The following ITIH2 variants were observed in gnomAD, a reference collection of about 807,000 sequenced individuals.
The protein encoded by ITIH2 is inter-alpha-trypsin inhibitor heavy chain 2.
A neutral mutation model predicts 104.4 loss-of-function variants in ITIH2; 103 were observed. That is an observed-to-expected ratio of 0.99 (90% CI 0.84 to 1.16). The LOEUF (loss-of-function observed/expected upper bound fraction) is 1.16. ITIH2 is among the 50% of genes most tolerant of loss of function. The probability of loss-of-function intolerance (pLI) is 0.00; values close to 1 mark genes in which losing one functional copy is unlikely to be tolerated. For missense variants in ITIH2, 1,108 were observed against 1,162.4 expected (o/e 0.95, Z 0.68); for synonymous variants, 436 against 435.4 (o/e 1.00, Z -0.02).
chr10:7,737,705 C>A (rs369862752), intron 15 of ITIH2, among the ~76,000 whole-genome samples: 12,439 of 19,804 alleles, frequency 0.63, 4,704 homozygotes, highest in Non-Finnish European at 0.7. Flanking sequence ...ATATAATATT[C>A]TATATTATAT....
At position 7,707,665 on chromosome 10, in the gene ITIH2, A is replaced by G. The variant is rs561421083; in HGVS notation, c.192+432A>G. 5.8e-4 allele frequency among the ~76,000 whole-genome samples: 88 copies of G among 152,264 alleles called. 1 individual carries two copies. The highest frequency in any genetic ancestry group is 1.9e-3 in the African/African-American group (77 of 41,550). On this transcript the variant is annotated intron_variant, in intron 3 of 20. Coordinates refer to ENST00000358415, the MANE Select transcript of ITIH2 (RefSeq NM_002216.3). ...ACTGCAACCTCTGCCCCCTGGGTTC[A>G]AGAGATTCTCTGCCTCAGCCTCTCA...
At chr10:7,741,534 C>T (rs943145684) in intron 16 of ITIH2, among the ~76,000 whole-genome samples, 12 of 152,130 alleles carry the variant, frequency 7.9e-5, no homozygotes, top group African/African-American at 2.9e-4. Context: ...ATCAACTAAC[C>T]ATGTATTTGT....
chr10:7,723,750 C>T (rs1834928495), intron 9 of ITIH2, among the ~76,000 whole-genome samples, 183 bp downstream of exon 9: 1 of 152,180 alleles, frequency 6.6e-6, no homozygotes, highest in Non-Finnish European at 1.5e-5. Context: ...AGGACATACA[C>T]CTCCGTCTTC....
chr10:7,712,949 T>C (rs1400256643), intron 4 of ITIH2, among the ~76,000 whole-genome samples: 2 of 151,882 alleles, frequency 1.3e-5, no homozygotes, highest in East Asian at 3.9e-4. Flanking sequence ...CGAAACCCAA[T>C]CTCTACTAAA....
chr10:7,729,745 A>G (rs1834983996), intron 11 of ITIH2: 1 of 458,126 alleles, frequency 2.2e-6, no homozygotes, highest in Non-Finnish European at 3.8e-6. Flanking sequence ...CTAATTCCCA[A>G]ATAATGTTGC....
At chr10:7,732,071 C>A in intron 13 of ITIH2, 75 bp downstream of exon 13, 11 of 1,199,700 alleles carry the variant, frequency 9.2e-6, no homozygotes, top group Non-Finnish European at 1.3e-5. Flanking sequence ...GTCAGCTCTG[C>A]CTGCCTGGAA....
intron 14 of ITIH2, among the ~76,000 whole-genome samples, chr10:7,732,891 C>A (rs976903124): frequency 5.9e-5 from 9 of 152,066 alleles, no homozygotes; most frequent in Non-Finnish European, 1.5e-5. Context: ...CCACGCCCAG[C>A]TAATTTTTTT....
chr10:7,717,527 C>G, intron 5 of ITIH2, 99 bp from the exon 6 acceptor site: 1 of 1,083,878 alleles, frequency 9.2e-7, no homozygotes, highest in Non-Finnish European at 1.4e-6. Flanking sequence ...CTGAGCAGAA[C>G]GGACGGTCCA....
intron 5 of ITIH2, 33 bp from the exon 6 acceptor site, chr10:7,717,593 C>T: frequency 6.2e-7 from 1 of 1,601,178 alleles, no homozygotes; most frequent in Non-Finnish European, 8.6e-7. Context: ...AATCATGTAT[C>T]TGTTGACTTT....
At chr10:7,733,864 C>A (rs1466385939) in intron 14 of ITIH2, among the ~76,000 whole-genome samples, 4 of 151,788 alleles carry the variant, frequency 2.6e-5, no homozygotes, top group South Asian at 2.1e-4. Context: ...TAGAGAAAAT[C>A]CCTGATGTCA....
At position 7,735,140 on chromosome 10, in the gene ITIH2, C is replaced by T. The variant is rs770144123; in HGVS notation, c.1957+49C>T. 1.6e-4 allele frequency: 240 copies of T among 1,523,080 alleles called. 1 individual carries two copies. In the East Asian group the frequency reaches 2.7e-3, roughly 17 times the overall value. 94.3% of individuals were successfully genotyped at this position (1,523,080 alleles called of 1,614,324 possible). A position where few individuals can be genotyped will look rare whatever the true frequency, so the allele number is the denominator to read the frequency against. Reference sequence around the variant, plus strand: ...AAGTGGCCAGGCAGCTCTCTTGCCCCGGGGGTGGGCGAAGTCCTAGTGCCT... The same window carrying T: ...AAGTGGCCAGGCAGCTCTCTTGCCCTGGGGGTGGGCGAAGTCCTAGTGCCT... On this transcript the variant is annotated intron_variant, in intron 15 of 20. Transcript: ENST00000358415.
intron 1 of ITIH2, among the ~76,000 whole-genome samples, chr10:7,703,966 G>A (rs1834721727): frequency 6.6e-6 from 1 of 152,180 alleles, no homozygotes. Context: ...CATTATCAAA[G>A]CACACTGTTT....
intron 6 of ITIH2, among the ~76,000 whole-genome samples, chr10:7,719,912 T>C (rs560595916): frequency 8.3e-4 from 119 of 144,070 alleles, no homozygotes; most frequent in Non-Finnish European, 1.6e-3. Context: ...ATGATAGACA[T>C]TGGAGACTCG....
intron 16 of ITIH2, among the ~76,000 whole-genome samples, chr10:7,740,550 A>AAAAT (rs1835114702): frequency 6.6e-6 from 1 of 152,196 alleles, no homozygotes; most frequent in Non-Finnish European, 1.5e-5. Flanking sequence ...GTGGCTTTGC[A>AAAAT]AAATAAAGCT....
chr10:7,725,637 C>T (rs769627518), intron 9 of ITIH2, among the ~76,000 whole-genome samples: 32 of 152,194 alleles, frequency 2.1e-4, no homozygotes, highest in South Asian at 4.1e-4. Flanking sequence ...CATGAGTTGA[C>T]AAAGACAGAA....
chr10:7,735,648 C>CT (rs1311989412), intron 15 of ITIH2, among the ~76,000 whole-genome samples: 1 of 149,512 alleles, frequency 6.7e-6, no homozygotes, highest in Non-Finnish European at 1.5e-5. Flanking sequence ...TCACTGTTTT[C>CT]TTTTTCTTTT....
At position 7,746,759 on chromosome 10, in the gene ITIH2, C is replaced by A; in HGVS notation, c.2693+55C>A. On this transcript the variant is annotated intron_variant, in intron 20 of 20. Transcript: ENST00000358415. ...AAAGGCCTTGTGTTAGAATTAGACC[C>A]ACACAGCAAAATAGAGGAGCAAAGA... 3 of 1,078,524 alleles carry A rather than the reference C, an allele frequency of 2.8e-6. No individual in the cohort carries two copies. In the South Asian group the frequency reaches 3.9e-5, roughly 14 times the overall value. 66.8% of individuals were successfully genotyped at this position (1,078,524 alleles called of 1,614,324 possible). A position where few individuals can be genotyped will look rare whatever the true frequency, so the allele number is the denominator to read the frequency against.
chr10:7,706,518 G>A (rs961117892), intron 2 of ITIH2, among the ~76,000 whole-genome samples: 1 of 152,162 alleles, frequency 6.6e-6, no homozygotes, highest in Non-Finnish European at 1.5e-5. Flanking sequence ...TGCCTCAGGG[G>A]TTACACTGTG....
chr10:7,707,332 T>C, intron 3 of ITIH2, 99 bp downstream of exon 3: 1 of 870,280 alleles, frequency 1.1e-6, no homozygotes, highest in Non-Finnish European at 1.9e-6. Flanking sequence ...CACCGAGTAT[T>C]TACCTGACTT....
Sources: allele counts gnomAD v4.1 joint callset (sites outside exome capture counted in the v4.1 genomes callset), GRCh38; gene constraint gnomAD v4.1.1; transcripts MANE v1.5; gene names NCBI Gene and HGNC (gene_info 2026-07-23, HGNC 2026-07-21).